The following GPD1L variants were observed in gnomAD, a reference collection of about 807,000 sequenced individuals.
GPD1L encodes glycerol-3-phosphate dehydrogenase 1-like protein.
In GPD1L, 17 loss-of-function variants were observed where a neutral mutation model predicts 32.9. That is an observed-to-expected ratio of 0.52 (90% CI 0.35 to 0.78). The LOEUF (loss-of-function observed/expected upper bound fraction) is 0.78, where lower values mean the gene tolerates loss of function less well. GPD1L is among the 30% of genes least tolerant of loss of function. The probability of loss-of-function intolerance (pLI) is 0.01; values close to 1 mark genes in which losing one functional copy is unlikely to be tolerated. For missense variants in GPD1L, 361 were observed against 447.8 expected (o/e 0.81, Z 1.75); for synonymous variants, 187 against 165.9 (o/e 1.13, Z -0.98).
intron 1 of GPD1L, among the ~76,000 whole-genome samples, chr3:32,121,217 ACTGTCTCCTCTTCTCTCCTTCCCTTAAC>A (rs1700406955): frequency 6.7e-6 from 1 of 149,948 alleles, no homozygotes; most frequent in South Asian, 2.1e-4. Context: ...TTTCTCTTGC[ACTGTCTCCTCTTCTCTCCTTCCCTTAAC>A]CTGTCTCCTC....
chr3:32,117,552 C>T (rs555783455), intron 1 of GPD1L, among the ~76,000 whole-genome samples: 1 of 152,056 alleles, frequency 6.6e-6, no homozygotes, highest in African/African-American at 2.4e-5. Context: ...TCCAGGAATG[C>T]GGGCAGGGGT....
intron 1 of GPD1L, among the ~76,000 whole-genome samples, chr3:32,123,839 T>TAGATAGATAGATAGAC (rs58722314): frequency 0.045 from 6,028 of 134,252 alleles, 194 homozygotes; most frequent in Non-Finnish European, 0.061. Flanking sequence ...GATAGATAGA[T>TAGATAGATAGATAGAC]AGACAGACAG....
chr3:32,142,907 G>A (rs1369936008), intron 4 of GPD1L, among the ~76,000 whole-genome samples: 1 of 152,230 alleles, frequency 6.6e-6, no homozygotes, highest in Non-Finnish European at 1.5e-5. Flanking sequence ...ATTAAATTAA[G>A]TAAAGCATTT....
At position 32,166,057 on chromosome 3, in the gene GPD1L, T is replaced by A. The variant is rs1701142569; in HGVS notation, c.*147T>A. On this transcript the variant is annotated 3_prime_UTR_variant, in exon 8 of 8. Transcript: ENST00000282541. ...TTTTTACAGGTTCGTTTTTGAATTG[T>A]GAGAGGCAGTTCATTAGCAAAGATG... 7.2e-6 allele frequency: 5 copies of A among 690,920 alleles called. No homozygotes were observed. Among genetic ancestry groups the A allele is most frequent in the Non-Finnish European group, 1.3e-5 (5 of 375,460 alleles). 42.8% of individuals were successfully genotyped at this position (690,920 alleles called of 1,614,324 possible). A position where few individuals can be genotyped will look rare whatever the true frequency, so the allele number is the denominator to read the frequency against.
At position 32,106,674 on chromosome 3, in the gene GPD1L, AG is replaced by A; in HGVS notation, c.-35del. 1.3e-6 allele frequency: 2 copies of A among 1,502,710 alleles called. No individual in the cohort carries two copies. Among genetic ancestry groups the A allele is most frequent in the Non-Finnish European group, 1.8e-6 (2 of 1,122,718 alleles). The allele number at this position is 1,502,710 out of a possible 1,614,324, so 93.1% of individuals were successfully genotyped here. A position where few individuals can be genotyped will look rare whatever the true frequency, so the allele number is the denominator to read the frequency against. The stretch of plus-strand genomic sequence containing the variant: ...AACAGGCGGAGGTGGGCAGCCGGCC[AG>A]GGAAGCACGGTCCAGGCGGCTACAT... On this transcript the variant is annotated 5_prime_UTR_variant, in exon 1 of 8. Coordinates refer to ENST00000282541, the MANE Select transcript of GPD1L (RefSeq NM_015141.4). The surrounding 1 kb of genome is among the most constrained non-coding windows in gnomAD (Gnocchi z 4.0).
intron 1 of GPD1L, among the ~76,000 whole-genome samples, chr3:32,116,269 C>T (rs1239296717): frequency 6.6e-6 from 1 of 152,204 alleles, no homozygotes; most frequent in Admixed American, 6.5e-5. Context: ...GATAAATTTG[C>T]ATTATCACAT....
At chr3:32,163,626 T>C (rs760644517) in intron 7 of GPD1L, among the ~76,000 whole-genome samples, 1 of 152,218 alleles carries the variant, frequency 6.6e-6, no homozygotes, top group Non-Finnish European at 1.5e-5. Context: ...TGGTTGATCA[T>C]TGGCTTCAGA....
intron 2 of GPD1L, among the ~76,000 whole-genome samples, chr3:32,132,005 A>G (rs1227808881): frequency 1.3e-5 from 2 of 152,198 alleles, no homozygotes; most frequent in Non-Finnish European, 2.9e-5. Context: ...TGTCACTTGT[A>G]TATCTTTGGA....
At position 32,159,620 on chromosome 3, in the gene GPD1L, C is replaced by A; in HGVS notation, c.905C>A (p.Pro302Gln). 6.2e-7 allele frequency: 1 copy of A among 1,613,046 alleles called. No individual in the cohort carries two copies. The highest frequency in any genetic ancestry group is 8.5e-7 in the Non-Finnish European group (1 of 1,179,392). Reference sequence around the variant, plus strand: ...CTGAATGGGCAAAAGCTCCAAGGACCGCAGACTTCTGCTGAAGTGTACCGC... The same window carrying A: ...CTGAATGGGCAAAAGCTCCAAGGACAGCAGACTTCTGCTGAAGTGTACCGC... ...EMLNGQKLQG[P>Q]QTSAEVYRIL... The change falls in exon 7 of 8, where the codon CCG becomes CAG. Residue 302 changes from proline to glutamine, a missense_variant. Transcript: ENST00000282541.
intron 1 of GPD1L, among the ~76,000 whole-genome samples, chr3:32,115,715 G>A (rs1340287656): frequency 1.4e-5 from 2 of 142,302 alleles, no homozygotes; most frequent in Non-Finnish European, 3.0e-5. Flanking sequence ...TCAGCTTGAT[G>A]GAAATGTCTT....
chr3:32,135,113 T>C (rs188415188), intron 2 of GPD1L, among the ~76,000 whole-genome samples: 2 of 152,364 alleles, frequency 1.3e-5, no homozygotes, highest in Non-Finnish European at 2.9e-5. Flanking sequence ...TCTGGTGTTT[T>C]TTCCACTTCA....
intron 2 of GPD1L, among the ~76,000 whole-genome samples, chr3:32,130,192 C>A (rs969529868): frequency 3.3e-5 from 5 of 152,070 alleles, no homozygotes; most frequent in African/African-American, 7.2e-5. Context: ...GCCTGCCCCC[C>A]ACTTGACTGA....
At chr3:32,152,632 G>C (rs980248860) in intron 5 of GPD1L, among the ~76,000 whole-genome samples, 2 of 152,120 alleles carry the variant, frequency 1.3e-5, no homozygotes, top group Non-Finnish European at 2.9e-5. Context: ...GGCAGAACAC[G>C]CATGACCAAA....
chr3:32,111,066 G>A (rs750267143), intron 1 of GPD1L, among the ~76,000 whole-genome samples: 14 of 152,266 alleles, frequency 9.2e-5, no homozygotes, highest in East Asian at 1.9e-4. Flanking sequence ...GGGTTTTGCC[G>A]TGTTGGCCAG....
intron 1 of GPD1L, among the ~76,000 whole-genome samples, chr3:32,119,175 C>T (rs1224631257): frequency 1.3e-5 from 2 of 152,266 alleles, no homozygotes; most frequent in East Asian, 3.9e-4. Context: ...ATTTTTAATT[C>T]TTTGAGGGAC....
At chr3:32,160,945 C>G (rs1015317079) in intron 7 of GPD1L, among the ~76,000 whole-genome samples, 7 of 152,186 alleles carry the variant, frequency 4.6e-5, no homozygotes, top group African/African-American at 1.7e-4. Context: ...CCGTAATACT[C>G]TCTAGGGGAG....
At chr3:32,135,011 C>T (rs1045022092) in intron 2 of GPD1L, among the ~76,000 whole-genome samples, 4 of 152,142 alleles carry the variant, frequency 2.6e-5, no homozygotes, top group East Asian at 1.9e-4. Context: ...TGACTGAGGT[C>T]GATGAAGCTG....
intron 7 of GPD1L, 136 bp downstream of exon 7, chr3:32,159,810 G>A: frequency 1.4e-6 from 1 of 707,122 alleles, no homozygotes; most frequent in Non-Finnish European, 2.6e-6. Flanking sequence ...AGTCCTTTGT[G>A]TGATGTGAAC....
rs1357679552 is a variant in GPD1L at position 32,106,991 on chromosome 3, G to C, written c.47+233G>C. Among the ~76,000 whole-genome samples, 1 of 152,202 alleles carries C rather than the reference G, an allele frequency of 6.6e-6. No homozygotes were observed. The highest frequency in any genetic ancestry group is 1.5e-5 in the Non-Finnish European group (1 of 68,028). ...GTGCGGGGGACAGCGCGGAGAGAGGGCACCCCGAGCACGCGGGCACCTGTC... is the reference window on the plus strand; with the variant it reads ...GTGCGGGGGACAGCGCGGAGAGAGGCCACCCCGAGCACGCGGGCACCTGTC... On this transcript the variant is annotated intron_variant, in intron 1 of 7. Transcript: ENST00000282541. This position sits in a 1 kb window ranked among gnomAD's most constrained non-coding sequence, Gnocchi z 4.0.
Sources: allele counts gnomAD v4.1 joint callset (sites outside exome capture counted in the v4.1 genomes callset), GRCh38; gene constraint gnomAD v4.1.1; non-coding constraint Gnocchi (gnomAD v3.1); transcripts MANE v1.5; gene names NCBI Gene and HGNC (gene_info 2026-07-23, HGNC 2026-07-21).